Variants in MLPH observed in about 807,000 individuals in gnomAD.
MLPH encodes melanophilin, also known as exophilin-3.
MLPH carries 51 observed loss-of-function variants against 72.1 expected under a neutral mutation model. The ratio of observed to expected loss-of-function variants is 0.71; its 90% CI spans 0.56 to 0.89. The LOEUF is 0.89. MLPH is among the 40% of genes least tolerant of loss of function. The pLI is 0.00. For synonymous variants in MLPH, 301 were observed against 310.1 expected, an observed-to-expected ratio of 0.97 and a Z score of 0.31; for missense variants, 743 against 759.9, an observed-to-expected ratio of 0.98 and a Z score of 0.26.
Position 237,525,679 on chromosome 2 carries a change from T to G in MLPH, c.754T>G (p.Ser252Ala), listed in dbSNP as rs1255972754. Reference sequence around the variant, plus strand: ...CCTGGAGGAGGCTGATACTGGGGCCTCTGGGTGCCACTCCCATCCGGAAGA... The same window carrying G: ...CCTGGAGGAGGCTGATACTGGGGCCGCTGGGTGCCACTCCCATCCGGAAGA... The part of the protein sequence containing the change: ...EGLEEADTGA[S>A]GCHSHPEEQP... The change falls in exon 7 of 16, where the codon TCT becomes GCT. Residue 252 changes from serine (S) to alanine (A), a missense_variant. Transcript: ENST00000264605. 6.2e-7 allele frequency: 1 copy of G among 1,614,144 alleles called. No individual in the cohort carries two copies.
chr2:237,487,990 G>T lies in MLPH; in HGVS notation c.-25+553G>T, dbSNP rs116856843. On this transcript the variant is annotated intron_variant, in intron 1 of 15. Coordinates refer to ENST00000264605, the MANE Select transcript of MLPH (RefSeq NM_024101.7). ...GGAGGTGTGGGAAGTAGAGATGTGGGAAGGGTCTGTGAGCTGTGAGCACCT... is the reference window on the plus strand; with the variant it reads ...GGAGGTGTGGGAAGTAGAGATGTGGTAAGGGTCTGTGAGCTGTGAGCACCT... Among the ~76,000 whole-genome samples, 430 of 152,236 alleles carry T rather than the reference G, an allele frequency of 2.8e-3. 14 individuals carry two copies. In the East Asian group the frequency reaches 0.072, roughly 25 times the overall value.
rs781418508 is a variant in MLPH, at chr2:237,540,448, C to T, written c.1205C>T (p.Ser402Leu). The T allele has an allele frequency of 3.1e-6, 5 of 1,612,808 alleles. No individual in the cohort carries two copies. The highest frequency in any genetic ancestry group is 1.7e-5 in the Admixed American group (1 of 59,996). ...LTSNVSDQETSSEEEEAKDEK... is the reference protein window; with the variant it reads ...LTSNVSDQETLSEEEEAKDEK... ...AGCAACGTCAGTGACCAGGAGACCTCGTCCGAGGAGGAGGAAGCCAAGGAC... is the reference window on the plus strand; with the variant it reads ...AGCAACGTCAGTGACCAGGAGACCTTGTCCGAGGAGGAGGAAGCCAAGGAC... The change falls in exon 10 of 16, where the codon TCG becomes TTG. Residue 402 changes from serine to leucine, a missense_variant. By Grantham distance (145) the Ser-to-Leu change is moderately radical. Coordinates refer to ENST00000264605, the MANE Select transcript of MLPH (RefSeq NM_024101.7).
chr2:237,534,626 A>AGTT lies in MLPH; in HGVS notation c.1086_1088dup (p.Val363dup), dbSNP rs1559365591. On this transcript the variant is annotated inframe_insertion, in exon 9 of 16. Transcript: ENST00000264605. ...GCCTGCTGACCTACCTGGAGAACACAGTTGTGCCTCCCTTGGCCAAGGTAA... is the reference window on the plus strand; with the variant it reads ...GCCTGCTGACCTACCTGGAGAACACAGTTGTTGTGCCTCCCTTGGCCAAGGTAA... The AGTT allele has an allele frequency of 6.2e-7, 1 of 1,613,942 alleles. No homozygotes were observed. The highest frequency in any genetic ancestry group is 8.5e-7 in the Non-Finnish European group (1 of 1,179,886).
In MLPH at chr2:237,519,914, AG is replaced by A; in HGVS notation, c.561del (p.Lys187AsnfsTer137). 1 of 1,613,880 alleles carries A rather than the reference AG, an allele frequency of 6.2e-7. No homozygotes were observed. Among genetic ancestry groups the A allele is most frequent in the East Asian group, 2.2e-5 (1 of 44,868 alleles). On this transcript the variant is annotated frameshift_variant, in exon 6 of 16. Transcript: ENST00000264605. LOFTEE classifies it high-confidence loss of function. ...AQAQPFGSKK[K>X]RLLSVHDFDF... ...CCCTGTCTTGTGCCTGCTAAGAAAAAGCGCCTCCTCTCCGTCCACGACTTCG... is the reference window on the plus strand; with the variant it reads ...CCCTGTCTTGTGCCTGCTAAGAAAAACGCCTCCTCTCCGTCCACGACTTCG...
Position 237,493,400 on chromosome 2 carries a change from C to A in MLPH, c.-24-3C>A. The A allele has an allele frequency of 6.3e-7, 1 of 1,575,888 alleles. No individual in the cohort carries two copies. The highest frequency in any genetic ancestry group is 8.7e-7 in the Non-Finnish European group (1 of 1,145,432). ...GATGACTTGTGATCCTGTGACATTC[C>A]AGGTGTGACCCCGACAAGAAGCAGA... On this transcript the variant is annotated splice_polypyrimidine_tract_variant and splice_region_variant and intron_variant, in intron 1 of 15. Coordinates refer to ENST00000264605, the MANE Select transcript of MLPH (RefSeq NM_024101.7).
chr2:237,489,649 T>C (rs1442331096), intron 1 of MLPH, among the ~76,000 whole-genome samples: 1 of 152,136 alleles, frequency 6.6e-6, no homozygotes, highest in Non-Finnish European at 1.5e-5. Flanking sequence ...ACACCTTGGC[T>C]CTGAGTCAGA....
chr2:237,540,475 A>C lies in MLPH; in HGVS notation c.1232A>C (p.Glu411Ala). 1.2e-6 allele frequency: 2 copies of C among 1,613,212 alleles called. No individual in the cohort carries two copies. The highest frequency in any genetic ancestry group is 1.7e-6 in the Non-Finnish European group (2 of 1,179,958). ...TSSEEEEAKD[E>A]KAEPNRDKSV... ...TCCGAGGAGGAGGAAGCCAAGGACG[A>C]AAAGGCAGAGCCCAACAGGGACAAA... Residue 411 changes from glutamate to alanine, a missense_variant, in exon 10 of 16, where the codon GAA (glutamate) becomes GCA (alanine). Transcript: ENST00000264605.
At position 237,534,695 on chromosome 2, in the gene MLPH, G is replaced by C. The variant is rs200280792; in HGVS notation, c.1104+48G>C. On this transcript the variant is annotated intron_variant, in intron 9 of 15. Coordinates refer to ENST00000264605, the MANE Select transcript of MLPH (RefSeq NM_024101.7). ...GAGAAAGGGCCCCCACAGCTCCTTA[G>C]TTAAAGGAGGCTGAAGTGTGACATG... is the stretch of plus-strand genomic sequence containing the variant. 2.8e-6 allele frequency: 4 copies of C among 1,436,944 alleles called. No individual in the cohort carries two copies. In the African/African-American group the frequency reaches 5.6e-5, roughly 20 times the overall value. The allele number at this position is 1,436,944 out of a possible 1,614,324, so 89.0% of individuals were successfully genotyped here.
At chr2:237,524,038 G>A (rs578008547) in intron 6 of MLPH, among the ~76,000 whole-genome samples, 178 of 152,180 alleles carry the variant, frequency 1.2e-3, no homozygotes, top group African/African-American at 4.0e-3. Context: ...TCTCTAAGTC[G>A]AACAGGAGGA....
chr2:237,524,909 G>C (rs781420494), intron 6 of MLPH, among the ~76,000 whole-genome samples: 2 of 152,214 alleles, frequency 1.3e-5, no homozygotes, highest in Non-Finnish European at 1.5e-5. Flanking sequence ...TCCAGGAGGA[G>C]GGGGAAGCAG....
chr2:237,553,051 G>A (rs1311904515), intron 15 of MLPH: 1 of 463,884 alleles, frequency 2.2e-6, no homozygotes, highest in Admixed American at 2.4e-5. Context: ...GAGTTTAAGT[G>A]CCCTCCAGAG....
intron 4 of MLPH, chr2:237,518,303 A>G: frequency 3.3e-6 from 2 of 608,588 alleles, no homozygotes; most frequent in East Asian, 5.9e-5. Context: ...GAGTGGATAA[A>G]TGGGTGGGTG....
chr2:237,494,185 G>A (rs1482509902), intron 2 of MLPH, among the ~76,000 whole-genome samples: 3 of 152,166 alleles, frequency 2.0e-5, no homozygotes, highest in African/African-American at 4.8e-5. Context: ...GGCGAAGGGG[G>A]GGGCAGAGAG....
intron 4 of MLPH, among the ~76,000 whole-genome samples, chr2:237,513,436 C>T (rs1249172268): frequency 1.3e-5 from 2 of 152,220 alleles, no homozygotes; most frequent in African/African-American, 4.8e-5. Context: ...GTGCAGACCT[C>T]GCCTGACGTC....
intron 15 of MLPH, chr2:237,553,357 G>A (rs1378614806): frequency 7.7e-6 from 5 of 648,732 alleles, no homozygotes; most frequent in African/African-American, 3.6e-5. Flanking sequence ...TAGGAAGTCA[G>A]CACGAATTGG....
intron 4 of MLPH, chr2:237,511,418 G>C: frequency 2.7e-6 from 1 of 365,030 alleles, no homozygotes; most frequent in South Asian, 2.3e-5. Flanking sequence ...TGTGAAATTG[G>C]CTCCTTTTTA....
At chr2:237,488,866 C>T (rs1313709894) in intron 1 of MLPH, among the ~76,000 whole-genome samples, 1 of 152,152 alleles carries the variant, frequency 6.6e-6, no homozygotes, top group Non-Finnish European at 1.5e-5. Flanking sequence ...AAATAAGCCC[C>T]AGTCTCAGTG....
Position 237,540,399 on chromosome 2 carries a change from A to G in MLPH, c.1156A>G (p.Arg386Gly). Residue 386 changes from arginine (R) to glycine (G), a missense_variant, in exon 10 of 16, where the codon AGG becomes GGG. By Grantham distance (125) the Arg-to-Gly change is moderately radical. Coordinates refer to ENST00000264605, the MANE Select transcript of MLPH (RefSeq NM_024101.7). ...TEADVEEEAL[R>G]RKLEELTSNV... ...GGCCGATGTAGAGGAGGAGGCCCTG[A>G]GGAGGAAGCTGGAGGAGCTGACCAG... The G allele has an allele frequency of 6.2e-7, 1 of 1,613,578 alleles. No homozygotes were observed. Among genetic ancestry groups the G allele is most frequent in the East Asian group, 2.2e-5 (1 of 44,866 alleles).
intron 12 of MLPH, among the ~76,000 whole-genome samples, chr2:237,545,218 G>A (rs1364744101): frequency 6.9e-6 from 1 of 145,066 alleles, no homozygotes; most frequent in Non-Finnish European, 1.5e-5. Flanking sequence ...GTGGTGAGTG[G>A]GGACAGTGGT....
Sources: gnomAD v4.1 joint callset for allele counts (sites outside exome capture counted in the v4.1 genomes callset) on GRCh38, gnomAD v4.1.1 for gene constraint, MANE v1.5 for transcripts, NCBI Gene and HGNC (gene_info 2026-07-23, HGNC 2026-07-21) for gene names.